ROBO2: variants seen among roughly 807,000 people sequenced by gnomAD.
The protein encoded by ROBO2 is roundabout guidance receptor 2.
In ROBO2, 53 loss-of-function variants were observed where a neutral mutation model predicts 160.8. That is an observed-to-expected ratio of 0.33 (90% CI 0.26 to 0.41). The LOEUF (loss-of-function observed/expected upper bound fraction) is 0.41. Among genes scored for constraint, ROBO2 ranks in the 10% least tolerant of loss-of-function variants. The probability of loss-of-function intolerance (pLI) is 1.00; values close to 1 mark genes in which losing one functional copy is unlikely to be tolerated. For missense variants in ROBO2, 1,577 were observed against 1,722.4 expected (o/e 0.92, Z 1.49); for synonymous variants, 664 against 611.7 (o/e 1.09, Z -1.26).
In ROBO2 at chr3:77,497,790, G is replaced by C. The variant is rs548901843; in HGVS notation, c.806+4408G>C. 2.3e-3 allele frequency among the ~76,000 whole-genome samples: 350 copies of C among 152,072 alleles called. 1 individual carries two copies. Among genetic ancestry groups the C allele is most frequent in the Non-Finnish European group, 4.1e-3 (277 of 67,932 alleles). On this transcript the variant is annotated intron_variant, in intron 5 of 25. Transcript: ENST00000461745. ...TTATGCCATGTTCCCTCATAACATA[G>C]GTTTATTGTATATTTTCGTTATATA... is the stretch of plus-strand genomic sequence containing the variant.
At chr3:76,576,716 T>G (rs1363572755) in intron 2 of ROBO2, among the ~76,000 whole-genome samples, 2 of 143,044 alleles carry the variant, frequency 1.4e-5, no homozygotes, top group African/African-American at 5.0e-5. Flanking sequence ...TTTTTTTTTT[T>G]TTTTTTGACA....
chr3:76,670,025 T>C (rs1446523868), intron 2 of ROBO2, among the ~76,000 whole-genome samples: 1 of 152,178 alleles, frequency 6.6e-6, no homozygotes, highest in Non-Finnish European at 1.5e-5. Context: ...CAATTAAAGC[T>C]GAATATAGTA....
At chr3:76,072,962 T>G (rs529134213) in intron 2 of ROBO2, among the ~76,000 whole-genome samples, 1 of 152,330 alleles carries the variant, frequency 6.6e-6, no homozygotes, top group South Asian at 2.1e-4. Flanking sequence ...ATGTGATGGA[T>G]ATAAAGCATT....
chr3:76,097,426 A>G lies in ROBO2; in HGVS notation c.109+159824A>G, dbSNP rs190554432. The stretch of plus-strand genomic sequence containing the variant: ...CCGTGCTGGCCAGCTGTGGTTCATT[A>G]ATATCCTTCTGCATAGATGAGTTCC... On this transcript the variant is annotated intron_variant, in intron 2 of 26. Coordinates refer to the ROBO2 transcript ENST00000487694. 7.9e-5 allele frequency among the ~76,000 whole-genome samples: 12 copies of G among 152,284 alleles called. No individual in the cohort carries two copies. The East Asian group carries it at 2.1e-3, about 27-fold the overall frequency.
At chr3:77,315,448 G>A (rs1220759132) in intron 2 of ROBO2, among the ~76,000 whole-genome samples, 1 of 152,176 alleles carries the variant, frequency 6.6e-6, no homozygotes. Context: ...GTAAATGCTG[G>A]TGAAGTTGAT....
Position 76,434,206 on chromosome 3 carries a change from A to T in ROBO2, c.109+496604A>T, listed in dbSNP as rs1400660631. On this transcript the variant is annotated intron_variant, in intron 2 of 26. Transcript: ENST00000487694. ...AGTAAAGAGACTGGGGGAGACGTGC[A>T]GAAATATGCAGAGATGGTCCACACA... 2.8e-6 allele frequency: 3 copies of T among 1,081,782 alleles called. No individual in the cohort carries two copies. In the African/African-American group the frequency reaches 4.6e-5, roughly 17 times the overall value. The allele number at this position is 1,081,782 out of a possible 1,614,324, so 67.0% of individuals were successfully genotyped here.
At chr3:77,644,500 T>G (rs1425480056) in intron 24 of ROBO2, among the ~76,000 whole-genome samples, 16 of 152,284 alleles carry the variant, frequency 1.1e-4, no homozygotes, top group East Asian at 3.9e-4. Context: ...TTAATTTAAT[T>G]CTGCTTTGGT....
At chr3:76,986,539 GA>G (rs1239459379) in intron 2 of ROBO2, among the ~76,000 whole-genome samples, 2 of 151,968 alleles carry the variant, frequency 1.3e-5, no homozygotes, top group African/African-American at 2.4e-5. Context: ...TTTCAGGGGG[GA>G]AAGTTATATT....
intron 2 of ROBO2, among the ~76,000 whole-genome samples, chr3:76,604,141 C>T (rs1293292612): frequency 6.6e-6 from 1 of 152,110 alleles, no homozygotes; most frequent in Admixed American, 6.6e-5. Flanking sequence ...GATGACATTA[C>T]TAAATAAATA....
rs538223956 is a variant in ROBO2, at chr3:76,159,129, A to G, written c.109+221527A>G. Among the ~76,000 whole-genome samples the G allele has an allele frequency of 2.6e-4, 39 of 152,266 alleles. 1 individual carries two copies. The highest frequency in any genetic ancestry group is 8.9e-4 in the African/African-American group (37 of 41,570). On this transcript the variant is annotated intron_variant, in intron 2 of 26. Transcript: ENST00000487694. ...TTGCATGGCTAACTCCATTTTATCT[A>G]ACATTTATAACCAATTAACTTACTA... is the stretch of plus-strand genomic sequence containing the variant.
chr3:77,345,839 C>A (rs1161238301), intron 2 of ROBO2, among the ~76,000 whole-genome samples: 1 of 152,008 alleles, frequency 6.6e-6, no homozygotes, highest in Non-Finnish European at 1.5e-5. Context: ...ATCTTTTAAA[C>A]CCATTAACAG....
chr3:77,164,485 TG>T (rs1284702187), intron 2 of ROBO2, among the ~76,000 whole-genome samples: 1 of 96,916 alleles, frequency 1.0e-5, no homozygotes, highest in Non-Finnish European at 2.1e-5. Flanking sequence ...GGGAGGGAGG[TG>T]GGGGGGTCAG....
chr3:77,077,168 A>G (rs1353525672), intron 1 of ROBO2, among the ~76,000 whole-genome samples: 1 of 152,198 alleles, frequency 6.6e-6, no homozygotes, highest in Non-Finnish European at 1.5e-5. Context: ...GTGCATCTAT[A>G]CAAGCTTTTA....
chr3:77,040,634 C>G, exon 1 of ROBO2: 1 of 1,520,528 alleles, frequency 6.6e-7, no homozygotes. Flanking sequence ...CCACCAACCC[C>G]TTCTGATCTT....
chr3:76,049,783 C>G (rs1391714435), intron 2 of ROBO2, among the ~76,000 whole-genome samples: 2 of 152,100 alleles, frequency 1.3e-5, no homozygotes, highest in African/African-American at 2.4e-5. Flanking sequence ...TCCCTGCACC[C>G]TGGGTGGCCT....
intron 2 of ROBO2, among the ~76,000 whole-genome samples, chr3:76,134,276 T>TC (rs1553654231): frequency 5.7e-4 from 86 of 151,286 alleles, no homozygotes; most frequent in African/African-American, 1.9e-3. Flanking sequence ...TACTTTTTTT[T>TC]TCTCTCTCTC....
intron 2 of ROBO2, among the ~76,000 whole-genome samples, chr3:76,065,422 A>G (rs992291560): frequency 4.6e-5 from 7 of 152,060 alleles, no homozygotes; most frequent in South Asian, 2.1e-4. Flanking sequence ...AAAGACAACA[A>G]TCGTGTTGTG....
chr3:76,746,401 A>G (rs1156816919), intron 2 of ROBO2, among the ~76,000 whole-genome samples: 1 of 152,048 alleles, frequency 6.6e-6, no homozygotes, highest in Non-Finnish European at 1.5e-5. Context: ...TCCCTGAGGA[A>G]TCTCCACACT....
In ROBO2 at chr3:77,007,911, A is replaced by C. The variant is rs115915544; in HGVS notation, c.110-90103A>C. ...GTTCATATTTACTTGCCAAAGAATTATGTACAATATTGTTATTTTAAATGA... is the reference window on the plus strand; with the variant it reads ...GTTCATATTTACTTGCCAAAGAATTCTGTACAATATTGTTATTTTAAATGA... On this transcript the variant is annotated intron_variant, in intron 2 of 26. Transcript: ENST00000487694. 7.6e-3 allele frequency among the ~76,000 whole-genome samples: 1,149 copies of C among 152,172 alleles called. 18 individuals are homozygous for C. Among genetic ancestry groups the C allele is most frequent in the African/African-American group, 0.025 (1,050 of 41,550 alleles).
Sources: allele counts gnomAD v4.1 joint callset (sites outside exome capture counted in the v4.1 genomes callset), GRCh38; gene constraint gnomAD v4.1.1; transcripts MANE v1.5; gene names NCBI Gene and HGNC (gene_info 2026-07-23, HGNC 2026-07-21).